The following ST6GALNAC3 variants were observed in gnomAD, a reference collection of about 807,000 sequenced individuals.
The protein encoded by ST6GALNAC3 is ST6 N-acetylgalactosaminide alpha-2,6-sialyltransferase 3.
Under a neutral mutation model 32.7 loss-of-function variants are expected in ST6GALNAC3, and 25 were observed. The ratio of observed to expected loss-of-function variants is 0.76; its 90% CI spans 0.56 to 1.07. The LOEUF (loss-of-function observed/expected upper bound fraction) is 1.07, where lower values mean the gene tolerates loss of function less well. Ranked by LOEUF, ST6GALNAC3 falls within the 50% of genes least tolerant of loss-of-function variation. The pLI is 0.00. For synonymous variants in ST6GALNAC3, 129 were observed against 133.1 expected, an observed-to-expected ratio of 0.97 and a Z score of 0.21; for missense variants, 355 against 382.4, an observed-to-expected ratio of 0.93 and a Z score of 0.60.
chr1:76,145,306 T>C (rs1347834033), intron 1 of ST6GALNAC3, among the ~76,000 whole-genome samples: 1 of 152,194 alleles, frequency 6.6e-6, no homozygotes, highest in Non-Finnish European at 1.5e-5. Context: ...CTCAGTCCTT[T>C]TCACCCAGTC....
At chr1:76,492,245 GC>G (rs1660546381) in intron 3 of ST6GALNAC3, among the ~76,000 whole-genome samples, 1 of 152,082 alleles carries the variant, frequency 6.6e-6, no homozygotes, top group South Asian at 2.1e-4. Context: ...TGTTGCACAG[GC>G]CTACAAAATT....
chr1:76,602,745 C>A (rs1647292820), intron 3 of ST6GALNAC3, among the ~76,000 whole-genome samples: 1 of 150,594 alleles, frequency 6.6e-6, no homozygotes, highest in Admixed American at 6.6e-5. Flanking sequence ...TTAATTTAAC[C>A]AATTTGATTA....
intron 3 of ST6GALNAC3, among the ~76,000 whole-genome samples, chr1:76,530,927 T>A (rs533525097): frequency 2.0e-5 from 3 of 152,330 alleles, no homozygotes; most frequent in Non-Finnish European, 2.9e-5. Flanking sequence ...GCAGAGAAGT[T>A]ATAGGGCACC....
chr1:76,115,731 C>T (rs1051011655), intron 1 of ST6GALNAC3, among the ~76,000 whole-genome samples: 2 of 152,112 alleles, frequency 1.3e-5, no homozygotes, highest in Non-Finnish European at 2.9e-5. Flanking sequence ...CAGGGCTGTC[C>T]TTACCACCCA....
chr1:76,225,464 G>A (rs1406529770), intron 1 of ST6GALNAC3, among the ~76,000 whole-genome samples: 1 of 152,116 alleles, frequency 6.6e-6, no homozygotes, highest in African/African-American at 2.4e-5. Flanking sequence ...AGAGCTGTGA[G>A]GGACATGAGG....
At chr1:76,135,459 T>C (rs1012536252) in intron 1 of ST6GALNAC3, among the ~76,000 whole-genome samples, 2 of 152,196 alleles carry the variant, frequency 1.3e-5, no homozygotes, top group Non-Finnish European at 2.9e-5. Flanking sequence ...ACTGCAGCAC[T>C]CTAGTGAGGT....
intron 1 of ST6GALNAC3, among the ~76,000 whole-genome samples, chr1:76,106,356 T>C (rs187830982): frequency 1.1e-4 from 16 of 152,318 alleles, no homozygotes; most frequent in Non-Finnish European, 8.8e-5. Flanking sequence ...ACCATGTTGG[T>C]TGGTGCAAGA....
intron 2 of ST6GALNAC3, among the ~76,000 whole-genome samples, chr1:76,377,775 G>A (rs371100705): frequency 8.5e-5 from 13 of 152,232 alleles, no homozygotes; most frequent in South Asian, 8.3e-4. Flanking sequence ...AACCTACCTC[G>A]TAGAATTGTT....
At chr1:76,142,025 T>G (rs78039051) in intron 1 of ST6GALNAC3, among the ~76,000 whole-genome samples, 1,854 of 152,148 alleles carry the variant, frequency 0.012, 38 homozygotes, top group African/African-American at 0.043. Context: ...AAGGGATCAG[T>G]TAGTGGAGGA....
At chr1:76,331,576 G>A (rs1647187015) in intron 2 of ST6GALNAC3, among the ~76,000 whole-genome samples, 1 of 152,162 alleles carries the variant, frequency 6.6e-6, no homozygotes, top group African/African-American at 2.4e-5. Flanking sequence ...ATTGTCATCA[G>A]TTCCTCATCT....
chr1:76,547,804 C>T (rs1482077001), intron 3 of ST6GALNAC3, among the ~76,000 whole-genome samples: 1 of 150,480 alleles, frequency 6.6e-6, no homozygotes, highest in Non-Finnish European at 1.5e-5. Context: ...TTGCAGTGAG[C>T]CAGGATCGCG....
chr1:76,075,482 C>T (rs954214344), intron 1 of ST6GALNAC3, among the ~76,000 whole-genome samples: 3 of 152,206 alleles, frequency 2.0e-5, no homozygotes, highest in African/African-American at 7.2e-5. Context: ...GAACCTCTCA[C>T]TCTCTTTATG....
intron 3 of ST6GALNAC3, among the ~76,000 whole-genome samples, chr1:76,490,462 AT>A (rs975845176): frequency 2.0e-5 from 3 of 148,916 alleles, no homozygotes; most frequent in African/African-American, 7.3e-5. Flanking sequence ...TATATATTAT[AT>A]ATAAGTTATA....
intron 2 of ST6GALNAC3, among the ~76,000 whole-genome samples, chr1:76,379,389 G>A (rs1651524853): frequency 6.6e-6 from 1 of 151,998 alleles, no homozygotes; most frequent in Non-Finnish European, 1.5e-5. Flanking sequence ...TTAGTCCCAG[G>A]TTAGACTTTT....
chr1:76,591,755 G>A (rs1647051521), intron 3 of ST6GALNAC3, among the ~76,000 whole-genome samples: 1 of 152,042 alleles, frequency 6.6e-6, no homozygotes, highest in Non-Finnish European at 1.5e-5. Flanking sequence ...ACCTGGGAGG[G>A]CCATGAAGAC....
chr1:76,241,538 A>C (rs1032167041), intron 1 of ST6GALNAC3, among the ~76,000 whole-genome samples: 1 of 152,144 alleles, frequency 6.6e-6, no homozygotes, highest in Non-Finnish European at 1.5e-5. Flanking sequence ...ATTCTCCTCC[A>C]TGACCCAAAC....
At chr1:76,527,660 G>C (rs1345939861) in intron 3 of ST6GALNAC3, among the ~76,000 whole-genome samples, 1 of 152,022 alleles carries the variant, frequency 6.6e-6, no homozygotes, top group African/African-American at 2.4e-5. Flanking sequence ...GTATCTGTTT[G>C]AAGGGAGGGA....
At chr1:76,458,086 A>G (rs1408657040) in intron 3 of ST6GALNAC3, among the ~76,000 whole-genome samples, 1 of 148,556 alleles carries the variant, frequency 6.7e-6, no homozygotes, top group Non-Finnish European at 1.5e-5. Flanking sequence ...ACATGAACAG[A>G]CACTTCTCAA....
Position 76,172,202 on chromosome 1 carries a change from G to GT in ST6GALNAC3, c.18+97319dup, listed in dbSNP as rs1311330849. ...GTTGAACATACGTAAATCAATAAAC[G>GT]TAATCCATCACATAAACAGAACCAA... On this transcript the variant is annotated intron_variant, in intron 1 of 4. Coordinates refer to ENST00000328299, the MANE Select transcript of ST6GALNAC3 (RefSeq NM_152996.4). Among the ~76,000 whole-genome samples the GT allele has an allele frequency of 2.0e-5, 3 of 151,964 alleles. No individual in the cohort carries two copies. In the East Asian group the frequency reaches 5.8e-4, roughly 29 times the overall value.
Sources: gnomAD v4.1 joint callset for allele counts (sites outside exome capture counted in the v4.1 genomes callset) on GRCh38, gnomAD v4.1.1 for gene constraint, MANE v1.5 for transcripts, NCBI Gene and HGNC (gene_info 2026-07-23, HGNC 2026-07-21) for gene names.